HTT: variants seen among roughly 807,000 people sequenced by gnomAD.
HTT encodes the protein huntington disease protein.
Under a neutral mutation model 362.3 loss-of-function variants are expected in HTT, and 104 were observed. The observed-to-expected ratio is 0.29, with a 90% CI of 0.24 to 0.34. The LOEUF (loss-of-function observed/expected upper bound fraction) is 0.34, where lower values mean the gene tolerates loss of function less well. Ranked by LOEUF, HTT falls within the 10% of genes least tolerant of loss-of-function variation. The probability of loss-of-function intolerance (pLI) is 1.00; values close to 1 mark genes in which losing one functional copy is unlikely to be tolerated. For missense variants in HTT, 3,301 were observed against 3,928.6 expected (o/e 0.84, Z 4.27); for synonymous variants, 1,577 against 1,548.7 (o/e 1.02, Z -0.43).
At chr4:3,200,030 AT>A in intron 41 of HTT, 91 bp downstream of exon 41, 1 of 1,020,548 alleles carries the variant, frequency 9.8e-7, no homozygotes, top group Non-Finnish European at 1.4e-6. Flanking sequence ...CCGTTAAAGC[AT>A]TTTCATTTTC....
At chr4:3,087,095 C>A in intron 2 of HTT, 73 bp downstream of exon 2, 1 of 754,960 alleles carries the variant, frequency 1.3e-6, no homozygotes, top group Non-Finnish European at 2.2e-6. Context: ...CTAGAATATT[C>A]TTTGTGTCCC....
intron 64 of HTT, among the ~76,000 whole-genome samples, chr4:3,237,042 G>A (rs1721571923): frequency 6.6e-6 from 1 of 152,176 alleles, no homozygotes; most frequent in South Asian, 2.1e-4. Context: ...GAACAGCCAA[G>A]CCTGTGCTGG....
chr4:3,152,724 G>A (rs557027485), intron 26 of HTT, among the ~76,000 whole-genome samples: 124 of 151,538 alleles, frequency 8.2e-4, no homozygotes, highest in African/African-American at 2.6e-3. Context: ...AAATTGTGAC[G>A]GAACTTCTGC....
intron 33 of HTT, among the ~76,000 whole-genome samples, chr4:3,176,035 G>GTTTTTTTTTTTT (rs10690454): frequency 7.1e-6 from 1 of 141,116 alleles, no homozygotes; most frequent in African/African-American, 2.7e-5. Context: ...GTTTTTTTTT[G>GTTTTTTTTTTTT]TTTTTTTTTT....
chr4:3,133,324 T>TC (rs1715908699), intron 18 of HTT, among the ~76,000 whole-genome samples: 1 of 118,744 alleles, frequency 8.4e-6, no homozygotes, highest in Non-Finnish European at 1.8e-5. Context: ...TACAGAAAAT[T>TC]AAAAAAAAAA....
intron 49 of HTT, 39 bp downstream of exon 49, chr4:3,212,748 G>T (rs1472005893): frequency 6.2e-7 from 1 of 1,610,144 alleles, no homozygotes; most frequent in Non-Finnish European, 8.5e-7. Flanking sequence ...GCTGTGGGGA[G>T]GGGGCATGGG....
intron 26 of HTT, among the ~76,000 whole-genome samples, chr4:3,150,753 C>T (rs1367667847): frequency 6.6e-6 from 1 of 152,152 alleles, no homozygotes; most frequent in African/African-American, 2.4e-5. Flanking sequence ...AACCGGACTG[C>T]AGGCCGTGCG....
At chr4:3,083,528 T>TACAC (rs1270506755) in intron 1 of HTT, among the ~76,000 whole-genome samples, 4 of 83,926 alleles carry the variant, frequency 4.8e-5, no homozygotes, top group Non-Finnish European at 8.6e-5. Flanking sequence ...TGTCTCTAAA[T>TACAC]ATACACACAC....
At chr4:3,116,947 AT>A (rs1715062178) in intron 8 of HTT, among the ~76,000 whole-genome samples, 1 of 152,190 alleles carries the variant, frequency 6.6e-6, no homozygotes. Context: ...AATGTGTGCC[AT>A]TTAGCTAAGT....
chr4:3,164,904 G>A (rs1248971882), intron 29 of HTT, among the ~76,000 whole-genome samples: 1 of 152,138 alleles, frequency 6.6e-6, no homozygotes, highest in African/African-American at 2.4e-5. Context: ...TTTAATTGGG[G>A]CATTTAGCCC....
chr4:3,182,662 A>G (rs541980718), intron 37 of HTT, among the ~76,000 whole-genome samples, 192 bp downstream of exon 37: 3 of 152,158 alleles, frequency 2.0e-5, no homozygotes, highest in Admixed American at 1.3e-4. Context: ...TTGCCCACCT[A>G]CTTTACAGGG....
intron 1 of HTT, among the ~76,000 whole-genome samples, 161 bp downstream of exon 1, chr4:3,075,249 C>T (rs1712457733): frequency 6.6e-6 from 1 of 152,230 alleles, no homozygotes; most frequent in Non-Finnish European, 1.5e-5. Flanking sequence ...CCGCCCCCTC[C>T]TGGGGCGAGG....
At chr4:3,190,556 C>A (rs1028429195) in intron 40 of HTT, among the ~76,000 whole-genome samples, 4 of 151,638 alleles carry the variant, frequency 2.6e-5, no homozygotes, top group South Asian at 2.1e-4. Flanking sequence ...TAGCAAGAGA[C>A]CCCATCTCCA....
intron 1 of HTT, among the ~76,000 whole-genome samples, chr4:3,082,515 C>A (rs1474181726): frequency 6.6e-6 from 1 of 152,172 alleles, no homozygotes; most frequent in Admixed American, 6.5e-5. Flanking sequence ...TAGGTCCTTG[C>A]TATCACAGTG....
intron 8 of HTT, among the ~76,000 whole-genome samples, chr4:3,118,303 T>TC (rs1436906498): frequency 6.6e-6 from 1 of 152,212 alleles, no homozygotes; most frequent in Non-Finnish European, 1.5e-5. Context: ...ACTGATGCTT[T>TC]TAAGAAGGCT....
At chr4:3,105,168 GTAACT>G (rs1387154203) in intron 4 of HTT, among the ~76,000 whole-genome samples, 184 bp from the exon 5 acceptor site, 1 of 152,156 alleles carries the variant, frequency 6.6e-6, no homozygotes, top group African/African-American at 2.4e-5. Flanking sequence ...ATTAAAAATG[GTAACT>G]TACTTTATAT....
chr4:3,223,749 C>T (rs551014314), intron 55 of HTT, among the ~76,000 whole-genome samples, 189 bp downstream of exon 55: 40 of 152,166 alleles, frequency 2.6e-4, no homozygotes, highest in Non-Finnish European at 4.4e-4. Context: ...AAGCTGGAAA[C>T]GTGACAGGAA....
chr4:3,238,730 G>GCCC, intron 65 of HTT, 88 bp from the exon 66 acceptor site: 3 of 1,097,034 alleles, frequency 2.7e-6, no homozygotes, highest in East Asian at 2.5e-5. Flanking sequence ...AATGCCTCTG[G>GCCC]CCCCCACCCC....
intron 6 of HTT, among the ~76,000 whole-genome samples, chr4:3,109,560 A>T (rs112922031): frequency 0.014 from 2,022 of 147,930 alleles, 49 homozygotes; most frequent in African/African-American, 0.047. Flanking sequence ...TTCTACTGCT[A>T]TTTTTTTTTT....
Sources: gnomAD v4.1 joint callset for allele counts (sites outside exome capture counted in the v4.1 genomes callset) on GRCh38, gnomAD v4.1.1 for gene constraint, MANE v1.5 for transcripts, NCBI Gene and HGNC (gene_info 2026-07-23, HGNC 2026-07-21) for gene names.